KIF25: variants seen among roughly 807,000 people sequenced by gnomAD.
The protein encoded by KIF25 is kinesin-like protein KIF25.
In KIF25, 19 loss-of-function variants were observed where a neutral mutation model predicts 32.9. The ratio of observed to expected loss-of-function variants is 0.58; its 90% CI spans 0.40 to 0.85. The LOEUF (loss-of-function observed/expected upper bound fraction) is 0.85. Among genes scored for constraint, KIF25 ranks in the 40% least tolerant of loss-of-function variants. The pLI, the probability that KIF25 is intolerant of heterozygous loss-of-function variation, is 0.00. For missense variants in KIF25, 485 were observed against 507.0 expected (o/e 0.96, Z 0.42); for synonymous variants, 225 against 213.7 (o/e 1.05, Z -0.46).
chr6:168,030,774 G>T lies in KIF25; in HGVS notation c.94G>T (p.Val32Phe), dbSNP rs1056095052. 5 of 1,610,572 alleles carry T rather than the reference G, an allele frequency of 3.1e-6. No individual in the cohort carries two copies. The highest frequency in any genetic ancestry group is 2.7e-5 in the African/African-American group (2 of 74,588). The change falls in exon 7 of 13, where the codon GTT becomes TTT. Residue 32 changes from valine (V) to phenylalanine (F), a missense_variant and splice_region_variant. Around this residue, in one of 2 missense-constraint regions of KIF25, gnomAD observed 480 missense variants for 470.3 expected, o/e 1.02. Transcript: ENST00000643607. Reference protein sequence around the residue: ...LAFPDDKDLRVYGPAESQSAV... With the variant: ...LAFPDDKDLRFYGPAESQSAV... ...CAGCATTTTCACTTTGTCTCTCAGG[G>T]TTTATGGTCCAGCAGAGTCTCAGAG...
intron 7 of KIF25, among the ~76,000 whole-genome samples, chr6:168,031,256 T>C (rs1369484050): frequency 3.9e-5 from 6 of 152,256 alleles, no homozygotes; most frequent in Admixed American, 3.3e-4. Context: ...TCTTGCAGTA[T>C]ACAACTACTG....
At chr6:168,027,726 C>T (rs1798883165) in intron 5 of KIF25, among the ~76,000 whole-genome samples, 2 of 152,240 alleles carry the variant, frequency 1.3e-5, no homozygotes, top group Middle Eastern at 3.4e-3. Context: ...CCACGGAGCA[C>T]GAGGTCAGAT....
At chr6:168,041,056 G>T (rs967674128) in intron 10 of KIF25, among the ~76,000 whole-genome samples, 1 of 152,188 alleles carries the variant, frequency 6.6e-6, no homozygotes, top group Admixed American at 6.5e-5. Flanking sequence ...CAAGGATGCG[G>T]CTCCGGGGAC....
In KIF25 at chr6:168,003,624, A is replaced by T. The variant is rs1298761405; in HGVS notation, c.-242A>T. ...GTTTCATTCCCTCAGCTCCATCTCT[A>T]GAGAAGCGGCCCATGCTGTTGATGA... On this transcript the variant is annotated 5_prime_UTR_variant, in exon 4 of 13. Transcript: ENST00000643607. 6.6e-6 allele frequency: 1 copy of T among 152,228 alleles called. No individual in the cohort carries two copies. Among genetic ancestry groups the T allele is most frequent in the Non-Finnish European group, 1.5e-5 (1 of 68,048 alleles). The allele number at this position is 152,228 out of a possible 1,614,324, so 9.4% of individuals were successfully genotyped here. A position where few individuals can be genotyped will look rare whatever the true frequency, so the allele number is the denominator to read the frequency against.
At chr6:168,042,933 T>C (rs572618088) in intron 12 of KIF25, among the ~76,000 whole-genome samples, 1 of 152,282 alleles carries the variant, frequency 6.6e-6, no homozygotes, top group South Asian at 2.1e-4. Flanking sequence ...TGTGTGTGAC[T>C]TGCCTCCTGG....
intron 5 of KIF25, among the ~76,000 whole-genome samples, chr6:168,019,845 C>T (rs796162848): frequency 3.2e-4 from 48 of 152,164 alleles, no homozygotes; most frequent in African/African-American, 1.1e-3. Flanking sequence ...TTGAAGAAGT[C>T]GGCCGGAGGT....
chr6:168,005,436 G>A (rs1256874248), intron 4 of KIF25, among the ~76,000 whole-genome samples: 2 of 152,226 alleles, frequency 1.3e-5, no homozygotes, highest in African/African-American at 4.8e-5. Context: ...AACCAAATGA[G>A]ATGGGAGACA....
intron 5 of KIF25, among the ~76,000 whole-genome samples, chr6:168,025,617 G>A (rs1383071945): frequency 6.6e-6 from 1 of 152,126 alleles, no homozygotes; most frequent in East Asian, 1.9e-4. Context: ...CTTGACTTGG[G>A]AAGTAAACAG....
intron 8 of KIF25, among the ~76,000 whole-genome samples, chr6:168,038,082 G>A (rs1046801715): frequency 3.3e-5 from 5 of 152,190 alleles, no homozygotes; most frequent in South Asian, 2.1e-4. Context: ...GTTGGAAGGC[G>A]TAAGTGGAAT....
At chr6:168,004,743 A>G (rs998424112) in intron 4 of KIF25, among the ~76,000 whole-genome samples, 1 of 152,016 alleles carries the variant, frequency 6.6e-6, no homozygotes, top group Non-Finnish European at 1.5e-5. Context: ...TCAGGGGTTG[A>G]TAGGATCTTC....
chr6:167,998,607 G>A lies in KIF25; in HGVS notation c.-862G>A, dbSNP rs571130452. The A allele has an allele frequency of 1.3e-5, 2 of 152,314 alleles. No individual in the cohort carries two copies. Among genetic ancestry groups the A allele is most frequent in the South Asian group, 4.1e-4 (2 of 4,820 alleles). 9.4% of individuals were successfully genotyped at this position (152,314 alleles called of 1,614,324 possible). A position where few individuals can be genotyped will look rare whatever the true frequency, so the allele number is the denominator to read the frequency against. On this transcript the variant is annotated 5_prime_UTR_variant, in exon 1 of 13. An upstream start codon of the reference 5' UTR is lost. Coordinates refer to ENST00000643607, the MANE Select transcript of KIF25 (RefSeq NM_030615.4). ...TCCAGTCATTAAATCAAGGAAATAT[G>A]ACAGATACTGAATTTCCAAAATCCC...
chr6:168,037,205 A>T (rs1256959369), intron 8 of KIF25, among the ~76,000 whole-genome samples: 3 of 152,218 alleles, frequency 2.0e-5, no homozygotes, highest in Non-Finnish European at 2.9e-5. Flanking sequence ...TTTGCCAATA[A>T]TGATTTTTAC....
At chr6:168,000,198 C>T (rs1798479199) in intron 2 of KIF25, among the ~76,000 whole-genome samples, 1 of 127,772 alleles carries the variant, frequency 7.8e-6, no homozygotes, top group African/African-American at 3.0e-5. Flanking sequence ...ACACCTGACA[C>T]TCCCCACTCC....
At chr6:168,022,937 GTGCTCA>G (rs200105128) in intron 5 of KIF25, among the ~76,000 whole-genome samples, 2,847 of 152,226 alleles carry the variant, frequency 0.019, 53 homozygotes, top group Admixed American at 0.03. Flanking sequence ...TTTGGATTCT[GTGCTCA>G]CTTGCGGTGC....
At chr6:168,010,574 G>A (rs1361187919) in intron 4 of KIF25, among the ~76,000 whole-genome samples, 2 of 152,108 alleles carry the variant, frequency 1.3e-5, no homozygotes, top group Non-Finnish European at 2.9e-5. Context: ...TGTTCCATTT[G>A]CTGATGAAAA....
chr6:168,026,028 C>T (rs1798855731), intron 5 of KIF25, among the ~76,000 whole-genome samples: 2 of 152,188 alleles, frequency 1.3e-5, no homozygotes, highest in Non-Finnish European at 2.9e-5. Context: ...CGTTGGTCGT[C>T]CCAGGAGGAC....
At chr6:168,041,655 G>C (rs964078788) in intron 10 of KIF25, among the ~76,000 whole-genome samples, 1 of 152,198 alleles carries the variant, frequency 6.6e-6, no homozygotes, top group African/African-American at 2.4e-5. Context: ...TTCTAAAAGG[G>C]CTCATAGATT....
At position 168,033,887 on chromosome 6, in the gene KIF25, A is replaced by G; in HGVS notation, c.173A>G (p.Asn58Ser). Residue 58 changes from asparagine to serine, a missense_variant, in exon 8 of 13, where the codon AAT becomes AGT. Around this residue, in one of 2 missense-constraint regions of KIF25, gnomAD observed 480 missense variants for 470.3 expected, o/e 1.02. Transcript: ENST00000643607. ...GAATCTGCTCTGAATTTTAGGTACA[A>G]TGTTTGTGTTATGGCGTATGGACAG... ...PLLTSLLDGYNVCVMAYGQTG... is the reference protein window; with the variant it reads ...PLLTSLLDGYSVCVMAYGQTG... The G allele has an allele frequency of 6.2e-7, 1 of 1,613,172 alleles. No homozygotes were observed. The highest frequency in any genetic ancestry group is 1.3e-5 in the African/African-American group (1 of 74,996).
rs1250699724 is a variant in KIF25, at chr6:168,018,048, C to T, written c.-95+8C>T. 6.6e-6 allele frequency: 1 copy of T among 152,554 alleles called. No homozygotes were observed. Among genetic ancestry groups the T allele is most frequent in the Non-Finnish European group, 1.5e-5 (1 of 68,032 alleles). The allele number at this position is 152,554 out of a possible 1,614,324, so 9.5% of individuals were successfully genotyped here. A position where few individuals can be genotyped will look rare whatever the true frequency, so the allele number is the denominator to read the frequency against. On this transcript the variant is annotated splice_region_variant and intron_variant, in intron 5 of 12. Transcript: ENST00000643607. ...GACATATCATTTTGAAAGGTAAGTG[C>T]TTTTCAAGATGTCCTATAAAGCAAA...
Sources: gnomAD v4.1 joint callset for allele counts (sites outside exome capture counted in the v4.1 genomes callset) on GRCh38, gnomAD v4.1.1 for gene constraint, gnomAD v4.1.1 regional missense constraint, MANE v1.5 for transcripts, NCBI Gene and HGNC (gene_info 2026-07-23, HGNC 2026-07-21) for gene names.